Variants in KCNT1 observed in about 807,000 individuals in gnomAD.
The protein encoded by KCNT1 is potassium sodium-activated channel subfamily T member 1, also known as potassium channel subfamily T member 1.
A neutral mutation model predicts 147.8 loss-of-function variants in KCNT1; 78 were observed. The observed-to-expected ratio is 0.53, with a 90% CI of 0.44 to 0.64. The LOEUF (loss-of-function observed/expected upper bound fraction) is 0.64. Among genes scored for constraint, KCNT1 ranks in the 30% least tolerant of loss-of-function variants. The probability of loss-of-function intolerance (pLI) is 0.00; values close to 1 mark genes in which losing one functional copy is unlikely to be tolerated. For synonymous variants in KCNT1, 867 were observed against 748.8 expected (o/e 1.16, Z -2.58); for missense variants, 1,419 against 1,750.3 (o/e 0.81, Z 3.38).
intron 16 of KCNT1, 34 bp from the exon 17 acceptor site, chr9:135,770,264 G>T: frequency 6.4e-7 from 1 of 1,559,966 alleles, no homozygotes; most frequent in Non-Finnish European, 8.7e-7. Flanking sequence ...CATGGCCGAG[G>T]GTGACGCTCC....
At chr9:135,743,989 C>T (rs1830685832) in intron 2 of KCNT1, among the ~76,000 whole-genome samples, 1 of 152,254 alleles carries the variant, frequency 6.6e-6, no homozygotes, top group Non-Finnish European at 1.5e-5. Flanking sequence ...TTCTTCCTGC[C>T]TGCCTGCCTG....
At chr9:135,724,001 C>A (rs535743145) in intron 2 of KCNT1, among the ~76,000 whole-genome samples, 21 of 152,346 alleles carry the variant, frequency 1.4e-4, no homozygotes, top group African/African-American at 5.0e-4. Flanking sequence ...CCGTCTCTTC[C>A]TCTCCAGGTT....
chr9:135,750,309 G>A lies in KCNT1; in HGVS notation c.334+132G>A, dbSNP rs984953002. 397 of 708,234 alleles carry A rather than the reference G, an allele frequency of 5.6e-4. 1 individual carries two copies. Among genetic ancestry groups the A allele is most frequent in the Non-Finnish European group, 8.0e-5 (32 of 400,078 alleles). 43.9% of individuals were successfully genotyped at this position (708,234 alleles called of 1,614,324 possible). A position where few individuals can be genotyped will look rare whatever the true frequency, so the allele number is the denominator to read the frequency against. On this transcript the variant is annotated intron_variant, in intron 3 of 30. Transcript: ENST00000371757. ...ATGGGGTGGGAGCCACCTGAGTGCT[G>A]CGGGGGCATTTGGAAGCAGGGTGGG...
At chr9:135,709,349 G>A (rs942792680) in intron 1 of KCNT1, among the ~76,000 whole-genome samples, 2 of 152,198 alleles carry the variant, frequency 1.3e-5, no homozygotes, top group East Asian at 1.9e-4. Context: ...GTTCAGGGAC[G>A]TGCAGGCTGT....
At chr9:135,708,391 A>T (rs925723170) in intron 1 of KCNT1, among the ~76,000 whole-genome samples, 1 of 152,226 alleles carries the variant, frequency 6.6e-6, no homozygotes, top group African/African-American at 2.4e-5. Flanking sequence ...ATCAGCATGC[A>T]TGTGCGTATT....
At chr9:135,738,200 C>G in intron 2 of KCNT1, among the ~76,000 whole-genome samples, 1 of 152,232 alleles carries the variant, frequency 6.6e-6, no homozygotes, top group East Asian at 1.9e-4. Context: ...CATGTTCATC[C>G]CAGCCCTGTG....
intron 19 of KCNT1, among the ~76,000 whole-genome samples, chr9:135,773,593 C>T (rs1041386536): frequency 6.6e-6 from 1 of 152,254 alleles, no homozygotes; most frequent in Non-Finnish European, 1.5e-5. Flanking sequence ...GACAGGAGGC[C>T]CCACTCTGTT....
chr9:135,726,863 CT>C (rs1836175723), intron 2 of KCNT1, among the ~76,000 whole-genome samples: 1 of 112,140 alleles, frequency 8.9e-6, no homozygotes, highest in Non-Finnish European at 2.0e-5. Flanking sequence ...CCCTCTCCCT[CT>C]CTCTTTCCCA....
In KCNT1 at chr9:135,750,118, T is replaced by C. The variant is rs759075818; in HGVS notation, c.275T>C (p.Val92Ala). The change falls in exon 3 of 31, where the codon GTC (valine) becomes GCC (alanine). Residue 92 changes from valine to alanine, a missense_variant. Around this residue, in one of 5 missense-constraint regions of KCNT1, gnomAD observed 181 missense variants for 155.7 expected, o/e 1.16. Transcript: ENST00000371757. ...TTCAGGGTCCAGGTGGAGTTCTACG[T>C]CAACGAGAACACCTTCAAGGAGCGG... is the stretch of plus-strand genomic sequence containing the variant. ...NDDRVQVEFY[V>A]NENTFKERLK... is the part of the protein sequence containing the mutation. 6.2e-7 allele frequency: 1 copy of C among 1,613,810 alleles called. No homozygotes were observed. Among genetic ancestry groups the C allele is most frequent in the East Asian group, 2.2e-5 (1 of 44,866 alleles).
At chr9:135,749,646 A>T (rs1265463672) in intron 2 of KCNT1, among the ~76,000 whole-genome samples, 12 of 152,238 alleles carry the variant, frequency 7.9e-5, no homozygotes, top group Non-Finnish European at 1.2e-4. Flanking sequence ...GCAGCTGACC[A>T]TCAGCTGTGG....
chr9:135,766,504 G>A (rs1795851222), intron 13 of KCNT1, among the ~76,000 whole-genome samples: 1 of 151,846 alleles, frequency 6.6e-6, no homozygotes, highest in Non-Finnish European at 1.5e-5. Flanking sequence ...TGTCTGGGGT[G>A]GGCCATCCAT....
Position 135,755,136 on chromosome 9 carries a change from G to C in KCNT1, c.507G>C (p.Trp169Cys). ...CTCTTCCCAGGGCTCCTATTCTGTG[G>C]GTGGAGAGAAAGATGACACTGTGGG... ...SSEINWAPIL[W>C]VERKMTLWAI... The change falls in exon 6 of 31, where the codon TGG (tryptophan) becomes TGC (cysteine). Residue 169 changes from tryptophan (W) to cysteine (C), a missense_variant. Transcript: ENST00000371757. The C allele has an allele frequency of 6.2e-7, 1 of 1,612,268 alleles. No individual in the cohort carries two copies. Among genetic ancestry groups the C allele is most frequent in the Non-Finnish European group, 8.5e-7 (1 of 1,179,050 alleles).
rs1364420470 is a variant in KCNT1 at position 135,770,397 on chromosome 9, C to A, written c.1719C>A (p.Arg573=). 2.5e-6 allele frequency: 4 copies of A among 1,613,240 alleles called. No individual in the cohort carries two copies. The highest frequency in any genetic ancestry group is 1.1e-5 in the South Asian group (1 of 91,062). Residue 573 remains arginine, a synonymous_variant, in exon 17 of 31, where the codon CGC becomes CGA. Coordinates refer to ENST00000371757, the MANE Select transcript of KCNT1 (RefSeq NM_020822.3). ...GCATGGGTGACAGCAAGTTCTTCCG[C>A]GAGTACGAGGGCAAGAGCTTCACCT... ...HIRMGDSKFF[R]EYEGKSFTYA...
chr9:135,755,091 C>T (rs775481626), intron 5 of KCNT1, 30 bp from the exon 6 acceptor site: 7 of 1,589,490 alleles, frequency 4.4e-6, no homozygotes, highest in Non-Finnish European at 6.0e-6. Flanking sequence ...GCTGTGGTGC[C>T]CTACTGTGCT....
At chr9:135,703,372 C>G (rs1588240354) in intron 1 of KCNT1, among the ~76,000 whole-genome samples, 1 of 152,160 alleles carries the variant, frequency 6.6e-6, no homozygotes, top group African/African-American at 2.4e-5. Flanking sequence ...TCAGTTTCCC[C>G]GAGTGTAAAA....
At chr9:135,773,936 G>C (rs1474961440) in intron 19 of KCNT1, among the ~76,000 whole-genome samples, 4 of 152,222 alleles carry the variant, frequency 2.6e-5, no homozygotes, top group African/African-American at 9.7e-5. Flanking sequence ...GCAGAGCCCT[G>C]TGGGTTTTGC....
At chr9:135,721,171 C>T (rs900073201) in intron 2 of KCNT1, among the ~76,000 whole-genome samples, 5 of 152,044 alleles carry the variant, frequency 3.3e-5, no homozygotes, top group Admixed American at 2.0e-4. Context: ...CCCCAACGCT[C>T]TCGGCCTGAG....
chr9:135,708,286 A>C (rs1230367495), intron 1 of KCNT1, among the ~76,000 whole-genome samples: 1 of 152,260 alleles, frequency 6.6e-6, no homozygotes, highest in African/African-American at 2.4e-5. Context: ...GCATACATGC[A>C]CATTGTACAT....
At chr9:135,718,943 C>T (rs564194300) in intron 2 of KCNT1, among the ~76,000 whole-genome samples, 43 of 152,344 alleles carry the variant, frequency 2.8e-4, no homozygotes, top group African/African-American at 1.0e-3. Context: ...CGGTACCGCC[C>T]GGTGGAGGAA....
Sources: allele counts gnomAD v4.1 joint callset (sites outside exome capture counted in the v4.1 genomes callset), GRCh38; gene constraint gnomAD v4.1.1; regional missense constraint gnomAD v4.1.1; transcripts MANE v1.5; gene names NCBI Gene and HGNC (gene_info 2026-07-23, HGNC 2026-07-21).